SGCZ: variants seen among roughly 807,000 people sequenced by gnomAD.
SGCZ encodes the protein zeta-sarcoglycan.
A neutral mutation model predicts 41.3 loss-of-function variants in SGCZ; 40 were observed. The observed-to-expected ratio is 0.97, with a 90% CI of 0.75 to 1.26. The LOEUF (loss-of-function observed/expected upper bound fraction) is 1.26, where lower values mean the gene tolerates loss of function less well. Ranked by LOEUF, SGCZ falls within the 50% of genes most tolerant of loss-of-function variation. The pLI is 0.00. For synonymous variants in SGCZ, 206 were observed against 137.5 expected (o/e 1.50, Z -3.49); for missense variants, 552 against 369.8 (o/e 1.49, Z -4.04).
intron 1 of SGCZ, among the ~76,000 whole-genome samples, chr8:14,657,248 G>A (rs991992150): frequency 3.9e-5 from 6 of 151,902 alleles, no homozygotes; most frequent in African/African-American, 7.3e-5. Flanking sequence ...GTATTCTCCC[G>A]GGTTCCCTCA....
intron 3 of SGCZ, among the ~76,000 whole-genome samples, chr8:14,307,646 A>C (rs959967399): frequency 6.6e-6 from 1 of 152,174 alleles, no homozygotes; most frequent in Non-Finnish European, 1.5e-5. Flanking sequence ...GAAAACACAG[A>C]AATGTCCACA....
chr8:14,493,254 T>A (rs190986692), intron 2 of SGCZ, among the ~76,000 whole-genome samples: 1 of 151,518 alleles, frequency 6.6e-6, no homozygotes, highest in East Asian at 2.0e-4. Context: ...ATGAACCTCC[T>A]CAATCTGAAT....
intron 2 of SGCZ, among the ~76,000 whole-genome samples, chr8:14,543,714 G>T (rs1803537676): frequency 1.3e-5 from 2 of 152,028 alleles, no homozygotes; most frequent in South Asian, 4.2e-4. Context: ...GTACGGGCAA[G>T]GCAAGATCTT....
intron 1 of SGCZ, among the ~76,000 whole-genome samples, chr8:14,728,983 C>T (rs926030246): frequency 6.6e-6 from 1 of 152,088 alleles, no homozygotes. Context: ...CCCTGAGTAA[C>T]CTTGTTTAGT....
intron 2 of SGCZ, among the ~76,000 whole-genome samples, chr8:14,333,966 G>A (rs1408739431): frequency 6.6e-6 from 1 of 152,086 alleles, no homozygotes; most frequent in African/African-American, 2.4e-5. Context: ...TTTAAATACT[G>A]AACATGGCTA....
At chr8:14,471,266 G>A (rs1375834484) in intron 2 of SGCZ, among the ~76,000 whole-genome samples, 8 of 152,058 alleles carry the variant, frequency 5.3e-5, no homozygotes, top group South Asian at 4.1e-4. Context: ...CTCATGTAGT[G>A]TACTCATTAT....
chr8:14,606,202 T>A (rs993633589), intron 1 of SGCZ, among the ~76,000 whole-genome samples: 1 of 152,154 alleles, frequency 6.6e-6, no homozygotes, highest in Non-Finnish European at 1.5e-5. Flanking sequence ...TATTGCCCCA[T>A]GACCTCCAAT....
At chr8:15,127,039 T>C (rs1277146481) in intron 1 of SGCZ, among the ~76,000 whole-genome samples, 1 of 152,178 alleles carries the variant, frequency 6.6e-6, no homozygotes, top group African/African-American at 2.4e-5. Flanking sequence ...AGAAATTGGC[T>C]GGAATGCATA....
At chr8:14,933,875 T>G (rs1336976528) in intron 1 of SGCZ, among the ~76,000 whole-genome samples, 1 of 152,060 alleles carries the variant, frequency 6.6e-6, no homozygotes, top group Non-Finnish European at 1.5e-5. Context: ...CACCATTTAT[T>G]TTTCAATGGA....
chr8:14,487,450 T>C (rs1477482195), intron 2 of SGCZ, among the ~76,000 whole-genome samples: 1 of 152,274 alleles, frequency 6.6e-6, no homozygotes, highest in African/African-American at 2.4e-5. Context: ...TCTCTTACTT[T>C]ATGATTACTT....
intron 2 of SGCZ, among the ~76,000 whole-genome samples, chr8:14,400,607 AAATAT>A (rs1799043370): frequency 6.6e-6 from 1 of 152,146 alleles, no homozygotes; most frequent in Admixed American, 6.6e-5. Context: ...TGCTTTATAA[AAATAT>A]ATTATGTGAC....
chr8:14,863,987 A>T (rs896214644), intron 1 of SGCZ, among the ~76,000 whole-genome samples: 2 of 152,158 alleles, frequency 1.3e-5, no homozygotes, highest in Non-Finnish European at 2.9e-5. Context: ...CTAACTATTC[A>T]TAGAGAGCCT....
chr8:14,330,545 G>C (rs1018513487), intron 2 of SGCZ, among the ~76,000 whole-genome samples: 1 of 151,834 alleles, frequency 6.6e-6, no homozygotes, highest in Non-Finnish European at 1.5e-5. Flanking sequence ...TCAAACCTAC[G>C]ATTTAAGAAT....
chr8:14,556,893 A>G (rs1341479196), intron 1 of SGCZ, among the ~76,000 whole-genome samples: 1 of 152,046 alleles, frequency 6.6e-6, no homozygotes, highest in East Asian at 1.9e-4. Context: ...TGCTATAAAC[A>G]TGAAAGTGAA....
intron 1 of SGCZ, among the ~76,000 whole-genome samples, chr8:15,230,660 G>C (rs889833009): frequency 2.0e-5 from 3 of 152,124 alleles, no homozygotes; most frequent in African/African-American, 2.4e-5. Flanking sequence ...GAGATCAACT[G>C]GTTGTGAGGT....
At chr8:14,961,749 C>T (rs183568337) in intron 1 of SGCZ, among the ~76,000 whole-genome samples, 64 of 152,074 alleles carry the variant, frequency 4.2e-4, no homozygotes, top group African/African-American at 1.4e-3. Context: ...AGAAAAGGCA[C>T]GAATAAAAGC....
intron 2 of SGCZ, among the ~76,000 whole-genome samples, chr8:14,526,755 C>A (rs2117114370): frequency 6.6e-6 from 1 of 152,178 alleles, no homozygotes. Context: ...GTGCGTACTT[C>A]ATTCTTCTGC....
chr8:15,220,088 G>A (rs1345647574), intron 1 of SGCZ, among the ~76,000 whole-genome samples: 1 of 151,830 alleles, frequency 6.6e-6, no homozygotes, highest in Non-Finnish European at 1.5e-5. Flanking sequence ...ATAATTTCAA[G>A]AACAAATTAA....
At chr8:15,094,302 T>C (rs532343201) in intron 1 of SGCZ, among the ~76,000 whole-genome samples, 57 of 152,224 alleles carry the variant, frequency 3.7e-4, no homozygotes, top group Middle Eastern at 3.4e-3. Context: ...GCCTAGCTAA[T>C]TTTTGTATCT....
Sources: allele counts gnomAD v4.1 joint callset (sites outside exome capture counted in the v4.1 genomes callset), GRCh38; gene constraint gnomAD v4.1.1; transcripts MANE v1.5; gene names NCBI Gene and HGNC (gene_info 2026-07-23, HGNC 2026-07-21).